Variants in MAGI2 observed in about 807,000 individuals in gnomAD.
The protein encoded by MAGI2 is membrane associated guanylate kinase, WW and PDZ domain containing 2.
Under a neutral mutation model 133.3 loss-of-function variants are expected in MAGI2, and 35 were observed. The ratio of observed to expected loss-of-function variants is 0.26; its 90% confidence interval spans 0.20 to 0.35. The LOEUF is 0.35. MAGI2 is among the 10% of genes least tolerant of loss of function. The pLI is 1.00. For synonymous variants in MAGI2, 729 were observed against 710.6 expected (o/e 1.03, Z -0.41); for missense variants, 1,636 against 1,863.4 (o/e 0.88, Z 2.25).
At chr7:78,585,303 T>C (rs1045620911) in intron 3 of MAGI2, among the ~76,000 whole-genome samples, 3 of 152,110 alleles carry the variant, frequency 2.0e-5, no homozygotes, top group Admixed American at 6.6e-5. Flanking sequence ...TAACTTCACT[T>C]TGGTACTCAT....
At chr7:79,079,213 T>C (rs1446503652) in intron 1 of MAGI2, among the ~76,000 whole-genome samples, 1 of 152,156 alleles carries the variant, frequency 6.6e-6, no homozygotes, top group Non-Finnish European at 1.5e-5. Flanking sequence ...TAAAATATTA[T>C]CTGATTGTGC....
intron 2 of MAGI2, among the ~76,000 whole-genome samples, chr7:78,639,571 ATCT>A (rs1182032132): frequency 6.6e-6 from 1 of 152,232 alleles, no homozygotes; most frequent in Non-Finnish European, 1.5e-5. Flanking sequence ...ATCACACTAA[ATCT>A]TATTATAAAG....
chr7:79,133,129 C>T (rs1821088293), intron 1 of MAGI2, among the ~76,000 whole-genome samples: 1 of 152,050 alleles, frequency 6.6e-6, no homozygotes, highest in Admixed American at 6.6e-5. Context: ...ATTTCTTTTT[C>T]TGTACAAAAG....
chr7:79,227,908 G>T (rs970663155), intron 1 of MAGI2, among the ~76,000 whole-genome samples: 1 of 152,098 alleles, frequency 6.6e-6, no homozygotes, highest in African/African-American at 2.4e-5. Context: ...GTGACAAAAT[G>T]CTGCTTAATT....
chr7:78,060,085 G>A (rs941271380), intron 21 of MAGI2, among the ~76,000 whole-genome samples: 7 of 152,064 alleles, frequency 4.6e-5, no homozygotes, highest in African/African-American at 1.7e-4. Context: ...ATTACAATGT[G>A]AGAAAAAACA....
intron 6 of MAGI2, among the ~76,000 whole-genome samples, chr7:78,444,510 T>C (rs1180425361): frequency 6.6e-6 from 1 of 152,098 alleles, no homozygotes; most frequent in Non-Finnish European, 1.5e-5. Flanking sequence ...CATGTGTTAC[T>C]TAACTGCATT....
chr7:79,283,972 C>T lies in MAGI2; in HGVS notation c.301+169048G>A, dbSNP rs1354499724. On this transcript the variant is annotated intron_variant, in intron 1 of 21. Transcript: ENST00000354212. ...AATACTTATTATTGTGTTATAATGGCCCATTGTATTCAGTACAGTAACATG... is the reference window on the plus strand; with the variant it reads ...AATACTTATTATTGTGTTATAATGGTCCATTGTATTCAGTACAGTAACATG... Among the ~76,000 whole-genome samples, 5 of 151,912 alleles carry T rather than the reference C, an allele frequency of 3.3e-5. No homozygotes were observed. In the East Asian group the frequency reaches 5.8e-4, roughly 18 times the overall value.
At chr7:78,624,065 GTTTC>G (rs1411016009) in intron 3 of MAGI2, among the ~76,000 whole-genome samples, 2 of 151,942 alleles carry the variant, frequency 1.3e-5, no homozygotes, top group Non-Finnish European at 2.9e-5. Flanking sequence ...TTTGATTTGT[GTTTC>G]TTTAATGATC....
intron 2 of MAGI2, among the ~76,000 whole-genome samples, chr7:78,953,571 C>G (rs891464841): frequency 1.3e-5 from 2 of 151,834 alleles, no homozygotes; most frequent in African/African-American, 4.8e-5. Flanking sequence ...AATTATAACC[C>G]AGTAGTTTAA....
At chr7:78,237,568 ATAGCTCCTTC>A (rs2150895322) in intron 10 of MAGI2, among the ~76,000 whole-genome samples, 1 of 152,334 alleles carries the variant, frequency 6.6e-6, no homozygotes, top group African/African-American at 2.4e-5. Flanking sequence ...ATTAAGAACA[ATAGCTCCTTC>A]TATTGAAACT....
intron 2 of MAGI2, among the ~76,000 whole-genome samples, chr7:78,641,382 G>C (rs1293271972): frequency 2.6e-5 from 4 of 152,152 alleles, no homozygotes; most frequent in Admixed American, 2.6e-4. Flanking sequence ...TGGCCATACT[G>C]TCTCTGTAAT....
At chr7:79,128,317 C>T (rs1216822668) in intron 1 of MAGI2, among the ~76,000 whole-genome samples, 1 of 152,054 alleles carries the variant, frequency 6.6e-6, no homozygotes, top group Non-Finnish European at 1.5e-5. Context: ...AAAAAGTACC[C>T]CTAAGTATGC....
intron 20 of MAGI2, among the ~76,000 whole-genome samples, chr7:78,089,094 C>T (rs1563106579): frequency 6.6e-6 from 1 of 152,170 alleles, no homozygotes; most frequent in Admixed American, 6.5e-5. Flanking sequence ...ATGGAACCAG[C>T]CCTGCTGACA....
chr7:78,181,465 G>T (rs1203365981), intron 13 of MAGI2, among the ~76,000 whole-genome samples: 3 of 152,130 alleles, frequency 2.0e-5, no homozygotes, highest in Non-Finnish European at 4.4e-5. Flanking sequence ...AACTGTCAGA[G>T]ACACTCTCAG....
chr7:78,598,276 T>G (rs550387604), intron 3 of MAGI2, among the ~76,000 whole-genome samples: 1 of 152,180 alleles, frequency 6.6e-6, no homozygotes, highest in African/African-American at 2.4e-5. Context: ...GTGTGGTGAA[T>G]ATAATAAGAG....
chr7:78,044,108 A>G (rs1811145722), intron 21 of MAGI2, among the ~76,000 whole-genome samples: 1 of 152,204 alleles, frequency 6.6e-6, no homozygotes, highest in South Asian at 2.1e-4. Flanking sequence ...TCATTATTCT[A>G]TTATTTTATG....
chr7:78,449,933 G>A (rs10264526), intron 6 of MAGI2, among the ~76,000 whole-genome samples: 50,639 of 151,840 alleles, frequency 0.33, 8,620 homozygotes, highest in East Asian at 0.47. Flanking sequence ...TATTTTACAG[G>A]CTTTCGATAA....
chr7:78,425,302 A>C (rs1015451799), intron 6 of MAGI2, among the ~76,000 whole-genome samples: 1 of 152,146 alleles, frequency 6.6e-6, no homozygotes, highest in Non-Finnish European at 1.5e-5. Context: ...TTCCACCGTG[A>C]TTGTGAGGCT....
chr7:78,056,880 A>G (rs1163624118), intron 21 of MAGI2, among the ~76,000 whole-genome samples: 1 of 152,058 alleles, frequency 6.6e-6, no homozygotes, highest in Non-Finnish European at 1.5e-5. Flanking sequence ...ACACACACAC[A>G]TCCCTCCCAC....
Sources: allele counts gnomAD v4.1 joint callset (sites outside exome capture counted in the v4.1 genomes callset), GRCh38; gene constraint gnomAD v4.1.1; transcripts MANE v1.5; gene names NCBI Gene and HGNC (gene_info 2026-07-23, HGNC 2026-07-21).